TIAM1: variants seen among roughly 807,000 people sequenced by gnomAD.
The protein encoded by TIAM1 is rho guanine nucleotide exchange factor TIAM1.
TIAM1 carries 65 observed loss-of-function variants against 163.5 expected under a neutral mutation model. That is an observed-to-expected ratio of 0.40 (90% CI 0.33 to 0.49). TIAM1 has a LOEUF of 0.49. Ranked by LOEUF, TIAM1 falls within the 20% of genes least tolerant of loss-of-function variation. The pLI is 0.77. For missense variants in TIAM1, 1,789 were observed against 2,044.7 expected (o/e 0.87, Z 2.41); for synonymous variants, 833 against 810.1 (o/e 1.03, Z -0.48).
intron 16 of TIAM1, among the ~76,000 whole-genome samples, 182 bp from the exon 17 acceptor site, chr21:31,154,608 A>T (rs975517676): frequency 1.3e-5 from 2 of 152,222 alleles, no homozygotes; most frequent in Admixed American, 6.5e-5. Flanking sequence ...AACAACCAGG[A>T]TAACAATTGC....
rs746576206 is a variant in TIAM1 at position 31,252,181 on chromosome 21, A to C, written c.972T>G (p.Asn324Lys). The change falls in exon 5 of 28, where the codon AAT (asparagine) becomes AAG (lysine). Residue 324 changes from asparagine to lysine, a missense_variant. Coordinates refer to ENST00000541036, the MANE Select transcript of TIAM1 (RefSeq NM_001353694.2). ...GRRAKTTQDVNAGEGSEFADS... is the reference protein window; with the variant it reads ...GRRAKTTQDVKAGEGSEFADS... ...CTGCAAACTCACTGCCCTCGCCTGC[A>C]TTAACATCCTTGGGAGCAGAAAGAG... 6.2e-7 allele frequency: 1 copy of C among 1,603,834 alleles called. No individual in the cohort carries two copies. The highest frequency in any genetic ancestry group is 8.5e-7 in the Non-Finnish European group (1 of 1,179,190).
At chr21:31,467,844 G>C (rs1441765692) in intron 1 of TIAM1, among the ~76,000 whole-genome samples, 3 of 151,788 alleles carry the variant, frequency 2.0e-5, no homozygotes, top group Non-Finnish European at 4.4e-5. Flanking sequence ...AGCACTTTAG[G>C]AGGCCAAGGC....
intron 1 of TIAM1, among the ~76,000 whole-genome samples, chr21:31,558,522 C>T (rs1174467609): frequency 6.6e-6 from 1 of 152,122 alleles, no homozygotes; most frequent in Non-Finnish European, 1.5e-5. Context: ...GCACGCCCTC[C>T]CCGAAGTTGA....
chr21:31,174,792 C>T (rs920220206), intron 15 of TIAM1, among the ~76,000 whole-genome samples: 1 of 152,010 alleles, frequency 6.6e-6, no homozygotes. Context: ...GGATTACAGG[C>T]ACCTGCCACC....
chr21:31,184,274 T>G (rs920339429), intron 14 of TIAM1, among the ~76,000 whole-genome samples: 3 of 152,086 alleles, frequency 2.0e-5, no homozygotes, highest in Non-Finnish European at 4.4e-5. Context: ...CCCAGCTAAT[T>G]TTTGTATTTT....
intron 23 of TIAM1, 94 bp downstream of exon 23, chr21:31,135,839 T>C: frequency 8.4e-7 from 1 of 1,196,086 alleles, no homozygotes; most frequent in Non-Finnish European, 1.2e-6. Flanking sequence ...ATTAACTTTA[T>C]TTTTAATCAA....
chr21:31,243,267 T>TA (rs1186793976), intron 6 of TIAM1, among the ~76,000 whole-genome samples: 1 of 141,912 alleles, frequency 7.0e-6, no homozygotes, highest in African/African-American at 2.6e-5. Context: ...TATATAAATA[T>TA]AAAAAAATAA....
At chr21:31,412,836 C>T (rs1387551960) in intron 2 of TIAM1, among the ~76,000 whole-genome samples, 5 of 150,526 alleles carry the variant, frequency 3.3e-5, no homozygotes, top group East Asian at 3.9e-4. Flanking sequence ...ATCCCTCGCT[C>T]GCATGTGCAG....
At chr21:31,346,520 G>A (rs1400874512), upstream of TIAM1, among the ~76,000 whole-genome samples, 1 of 152,170 alleles carries the variant, frequency 6.6e-6, no homozygotes, top group Admixed American at 6.5e-5. Flanking sequence ...ATGGGAGAAG[G>A]ATGATGTAAA....
At chr21:31,302,854 G>C (rs1276566422) in intron 2 of TIAM1, among the ~76,000 whole-genome samples, 1 of 152,160 alleles carries the variant, frequency 6.6e-6, no homozygotes, top group African/African-American at 2.4e-5. Flanking sequence ...AATTGATGTT[G>C]CTTGAAGATT....
intron 15 of TIAM1, among the ~76,000 whole-genome samples, chr21:31,179,586 C>T (rs2084920403): frequency 6.7e-6 from 1 of 148,952 alleles, no homozygotes; most frequent in Non-Finnish European, 1.5e-5. Flanking sequence ...CCCAAAATTG[C>T]AGTTTTAATG....
intron 19 of TIAM1, among the ~76,000 whole-genome samples, chr21:31,150,439 A>G (rs2083323416): frequency 6.6e-6 from 1 of 152,176 alleles, no homozygotes; most frequent in African/African-American, 2.4e-5. Flanking sequence ...TGAACAGCTC[A>G]TTCTTAACAC....
chr21:31,140,986 CACT>C, intron 22 of TIAM1, 129 bp downstream of exon 22: 2 of 651,812 alleles, frequency 3.1e-6, no homozygotes, highest in Non-Finnish European at 5.1e-6. Context: ...ACAGATGTTC[CACT>C]AAGAAAAACA....
Position 31,251,893 on chromosome 21 carries a change from C to A in TIAM1, c.1260G>T (p.Pro420=). ...CGGTCAGCAGGATGTCCGACTGGCC[C>A]GGAGAGCTCAGGGTGCCGCTGCTCT... is the stretch of plus-strand genomic sequence containing the variant. ...DEQSSGTLSS[P]GQSDILLTAA... is the part of the protein sequence containing the mutation. The change falls in exon 5 of 28, where the codon CCG becomes CCT. Residue 420 remains proline, a synonymous_variant. Transcript: ENST00000541036. 6.2e-7 allele frequency: 1 copy of A among 1,613,814 alleles called. No homozygotes were observed. The highest frequency in any genetic ancestry group is 8.5e-7 in the Non-Finnish European group (1 of 1,179,910).
chr21:31,479,773 G>T (rs1238737978), intron 1 of TIAM1, among the ~76,000 whole-genome samples: 1 of 151,940 alleles, frequency 6.6e-6, no homozygotes, highest in Non-Finnish European at 1.5e-5. Flanking sequence ...CCTCCAAGTG[G>T]GCTGTTCCCC....
intron 15 of TIAM1, among the ~76,000 whole-genome samples, chr21:31,172,915 T>C (rs1248644770): frequency 2.0e-5 from 3 of 151,982 alleles, no homozygotes; most frequent in Admixed American, 6.5e-5. Context: ...GTAAATAGAA[T>C]TGATTGTTGT....
chr21:31,468,431 G>A (rs564847470), intron 1 of TIAM1, among the ~76,000 whole-genome samples: 7 of 150,604 alleles, frequency 4.6e-5, no homozygotes, highest in East Asian at 2.0e-4. Context: ...TTCAGTGAGC[G>A]AAGATCACAC....
chr21:31,126,687 A>G lies in TIAM1; in HGVS notation c.4133+378T>C, dbSNP rs554720023. On this transcript the variant is annotated intron_variant, in intron 26 of 27. Coordinates refer to ENST00000541036, the MANE Select transcript of TIAM1 (RefSeq NM_001353694.2). ...TCTATCTTGTATTTTTAGAAAAATA[A>G]AAGAATAGGTTTCATATGGGAGAAG... Among the ~76,000 whole-genome samples the G allele has an allele frequency of 3.9e-5, 6 of 152,308 alleles. No homozygotes were observed. In the East Asian group the frequency reaches 1.2e-3, roughly 29 times the overall value.
intron 2 of TIAM1, among the ~76,000 whole-genome samples, chr21:31,430,708 C>A (rs1185887571): frequency 2.0e-5 from 3 of 152,142 alleles, no homozygotes; most frequent in Non-Finnish European, 4.4e-5. Flanking sequence ...GTATGAATTT[C>A]TAAGAATTAG....
Sources: allele counts gnomAD v4.1 joint callset (sites outside exome capture counted in the v4.1 genomes callset), GRCh38; gene constraint gnomAD v4.1.1; transcripts MANE v1.5; gene names NCBI Gene and HGNC (gene_info 2026-07-23, HGNC 2026-07-21).